SLC32A1: variants seen among roughly 807,000 people sequenced by gnomAD.
SLC32A1 encodes the protein solute carrier family 32 member 1.
A neutral mutation model predicts 35.5 loss-of-function variants in SLC32A1; 8 were observed. The ratio of observed to expected loss-of-function variants is 0.23; its 90% CI spans 0.13 to 0.41. The LOEUF (loss-of-function observed/expected upper bound fraction) is 0.41, where lower values mean the gene tolerates loss of function less well. Ranked by LOEUF, SLC32A1 falls within the 10% of genes least tolerant of loss-of-function variation. The probability of loss-of-function intolerance (pLI) is 1.00; values close to 1 mark genes in which losing one functional copy is unlikely to be tolerated. For missense variants in SLC32A1, 493 were observed against 722.3 expected (o/e 0.68, Z 3.64); for synonymous variants, 317 against 326.3 (o/e 0.97, Z 0.31).
At chr20:38,725,475 G>A (rs1289186915) in intron 1 of SLC32A1, among the ~76,000 whole-genome samples, 2 of 152,176 alleles carry the variant, frequency 1.3e-5, no homozygotes, top group African/African-American at 4.8e-5. Context: ...ACTCTGGAAC[G>A]GATTCACAGC....
chr20:38,727,427 G>A (rs756808579), intron 1 of SLC32A1, 25 bp from the exon 2 acceptor site: 10 of 1,596,398 alleles, frequency 6.3e-6, no homozygotes, highest in Non-Finnish European at 8.5e-6. Flanking sequence ...GAGCGTCCGC[G>A]TCTGGTTGCC....
rs1311107014 is a variant in SLC32A1, at chr20:38,727,571, G to A, written c.510G>A (p.Leu170=). 1.2e-6 allele frequency: 2 copies of A among 1,610,882 alleles called. No individual in the cohort carries two copies. The highest frequency in any genetic ancestry group is 2.2e-5 in the East Asian group (1 of 44,882). ...CCGGCAAGATCCTCATCGCGTGCCT[G>A]TACGAGGAGAATGAAGACGGCGAGG... ...CYTGKILIAC[L]YEENEDGEVV... The change falls in exon 2 of 2, where the codon CTG becomes CTA. Residue 170 remains leucine (L), a synonymous_variant. Transcript: ENST00000217420.
Position 38,728,934 on chromosome 20 carries a change from T to G in SLC32A1, c.*295T>G. 1.2e-5 allele frequency: 4 copies of G among 345,128 alleles called. No individual in the cohort carries two copies. Among genetic ancestry groups the G allele is most frequent in the East Asian group, 4.9e-5 (1 of 20,210 alleles). The allele number at this position is 345,128 out of a possible 1,614,324, so 21.4% of individuals were successfully genotyped here. A position where few individuals can be genotyped will look rare whatever the true frequency, so the allele number is the denominator to read the frequency against. ...CCTTCCAAGTGGGGCCCCGACACTT[T>G]GGTTCCAGTCATCGAGGGGGTTGGG... On this transcript the variant is annotated 3_prime_UTR_variant, in exon 2 of 2. Coordinates refer to ENST00000217420, the MANE Select transcript of SLC32A1 (RefSeq NM_080552.3).
At position 38,727,910 on chromosome 20, in the gene SLC32A1, C is replaced by G. The variant is rs1254337126; in HGVS notation, c.849C>G (p.Ala283=). The G allele has an allele frequency of 6.2e-7, 1 of 1,614,248 alleles. No individual in the cohort carries two copies. Among genetic ancestry groups the G allele is most frequent in the South Asian group, 1.1e-5 (1 of 91,088 alleles). ...AHFVINILVI[A]YCLSRARDWA... ...TCGTCATCAATATCCTGGTCATAGC[C>G]TACTGTCTATCGCGGGCGCGCGACT... The change falls in exon 2 of 2, where the codon GCC becomes GCG. Residue 283 remains alanine (A), a synonymous_variant. Transcript: ENST00000217420.
chr20:38,724,729 C>T lies in SLC32A1; in HGVS notation c.5C>T (p.Ala2Val). M[A>V]TLLRSKLSNV... ...TCCGCTGTCCCCACCGCCGCCATGGCCACCTTGCTCCGCAGCAAGCTGTCC... is the reference window on the plus strand; with the variant it reads ...TCCGCTGTCCCCACCGCCGCCATGGTCACCTTGCTCCGCAGCAAGCTGTCC... Residue 2 changes from alanine to valine, a missense_variant, in exon 1 of 2, where the codon GCC becomes GTC. This residue lies in a region of SLC32A1 where 133 missense variants were observed against 145.9 expected (regional missense o/e 0.91). Transcript: ENST00000217420. 2 of 1,603,336 alleles carry T rather than the reference C, an allele frequency of 1.2e-6. No homozygotes were observed. The highest frequency in any genetic ancestry group is 1.7e-6 in the Non-Finnish European group (2 of 1,174,824).
At position 38,728,294 on chromosome 20, in the gene SLC32A1, G is replaced by A. The variant is rs1384894750; in HGVS notation, c.1233G>A (p.Gln411=). 6.2e-7 allele frequency: 1 copy of A among 1,613,476 alleles called. No homozygotes were observed. Among genetic ancestry groups the A allele is most frequent in the Non-Finnish European group, 8.5e-7 (1 of 1,179,662 alleles). ...AVEVLEKSLF[Q]EGSRAFFPAC... is the part of the protein sequence containing the mutation. ...AGGTGCTGGAGAAGTCGCTCTTCCA[G>A]GAAGGCAGCCGCGCCTTTTTCCCGG... The change falls in exon 2 of 2, where the codon CAG becomes CAA. Residue 411 remains glutamine, a synonymous_variant. Transcript: ENST00000217420.
chr20:38,724,614 G>T lies in SLC32A1; in HGVS notation c.-111G>T. On this transcript the variant is annotated 5_prime_UTR_variant, in exon 1 of 2. Coordinates refer to ENST00000217420, the MANE Select transcript of SLC32A1 (RefSeq NM_080552.3). ...GAGCCAGAGAGCCCCGGGGCGCCGC[G>T]CGGAGAGCAAGCGGAGATAGCGACT... is the stretch of plus-strand genomic sequence containing the variant. 7.4e-7 allele frequency: 1 copy of T among 1,355,632 alleles called. No homozygotes were observed. 84.0% of individuals were successfully genotyped at this position (1,355,632 alleles called of 1,614,324 possible).
rs539752137 is a variant in SLC32A1, at chr20:38,727,402, G to T, written c.391-50G>T. The T allele has an allele frequency of 2.0e-4, 313 of 1,563,222 alleles. 3 individuals carry two copies. The South Asian group carries it at 3.2e-3, about 16-fold the overall frequency. On this transcript the variant is annotated intron_variant, in intron 1 of 1. Transcript: ENST00000217420. The stretch of plus-strand genomic sequence containing the variant: ...GCCACGCCCCCCGGGCCCCTCATCC[G>T]TTGCCAAGTTCGCTGAGCGTCCGCG...
chr20:38,724,506 C>T lies in SLC32A1; in HGVS notation c.-219C>T. The T allele has an allele frequency of 1.7e-6, 1 of 588,824 alleles. No homozygotes were observed. Among genetic ancestry groups the T allele is most frequent in the Non-Finnish European group, 2.8e-6 (1 of 355,946 alleles). 36.5% of individuals were successfully genotyped at this position (588,824 alleles called of 1,614,324 possible). On this transcript the variant is annotated 5_prime_UTR_variant, in exon 1 of 2. Transcript: ENST00000217420. Reference sequence around the variant, plus strand: ...TCCGCAGTGCACTAGCCACCACCGCCGCCGCCGCCGCTCCGCCAGACCTGC... The same window carrying T: ...TCCGCAGTGCACTAGCCACCACCGCTGCCGCCGCCGCTCCGCCAGACCTGC...
rs2084277540 is a variant in SLC32A1 at position 38,726,720 on chromosome 20, C to G, written c.391-732C>G. On this transcript the variant is annotated intron_variant, in intron 1 of 1. Coordinates refer to ENST00000217420, the MANE Select transcript of SLC32A1 (RefSeq NM_080552.3). This position sits in a 1 kb window ranked among gnomAD's most constrained non-coding sequence, Gnocchi z 4.7. ...CCTTAGGTCTCGCCCTCGCCTCACT[C>G]TAACTCCAGCCTTGTCCTAAGACTC... 6.6e-6 allele frequency among the ~76,000 whole-genome samples: 1 copy of G among 152,158 alleles called. No homozygotes were observed. The highest frequency in any genetic ancestry group is 2.4e-5 in the African/African-American group (1 of 41,414).
Position 38,726,968 on chromosome 20 carries a change from C to T in SLC32A1, c.391-484C>T, listed in dbSNP as rs2084278416. 6.6e-6 allele frequency among the ~76,000 whole-genome samples: 1 copy of T among 152,082 alleles called. No homozygotes were observed. Among genetic ancestry groups the T allele is most frequent in the Non-Finnish European group, 1.5e-5 (1 of 68,014 alleles). On this transcript the variant is annotated intron_variant, in intron 1 of 1. Transcript: ENST00000217420. The surrounding 1 kb of genome is among the most constrained non-coding windows in gnomAD (Gnocchi z 4.7). ...TTAGCTCCCGTGCCCCATTCCAGCC[C>T]CACCACAAATCCCGTGCCCACTCTT...
Position 38,724,827 on chromosome 20 carries a change from G to A in SLC32A1, c.103G>A (p.Ala35Thr). ...CATGTTCGCCAGGATGGGTTTTCAG[G>A]CGGCCACGGATGAGGAGGCGGTGGG... ...SGMFARMGFQ[A>T]ATDEEAVGFA... The change falls in exon 1 of 2, where the codon GCG (alanine) becomes ACG (threonine). Residue 35 changes from alanine to threonine, a missense_variant. Coordinates refer to ENST00000217420, the MANE Select transcript of SLC32A1 (RefSeq NM_080552.3). The A allele has an allele frequency of 6.2e-7, 1 of 1,613,974 alleles. No homozygotes were observed. Among genetic ancestry groups the A allele is most frequent in the Non-Finnish European group, 8.5e-7 (1 of 1,180,000 alleles).
chr20:38,728,260 C>G lies in SLC32A1; in HGVS notation c.1199C>G (p.Ala400Gly). 1 of 1,613,958 alleles carries G rather than the reference C, an allele frequency of 6.2e-7. No homozygotes were observed. Among genetic ancestry groups the G allele is most frequent in the Non-Finnish European group, 8.5e-7 (1 of 1,179,862 alleles). Reference protein sequence around the residue: ...ALLSYPLPFFAAVEVLEKSLF... With the variant: ...ALLSYPLPFFGAVEVLEKSLF... Reference sequence around the variant, plus strand: ...TTGTCCTATCCTCTGCCATTCTTTGCCGCTGTCGAGGTGCTGGAGAAGTCG... The same window carrying G: ...TTGTCCTATCCTCTGCCATTCTTTGGCGCTGTCGAGGTGCTGGAGAAGTCG... Residue 400 changes from alanine to glycine, a missense_variant, in exon 2 of 2, where the codon GCC becomes GGC. Around this residue, in one of 4 missense-constraint regions of SLC32A1, gnomAD observed 269 missense variants for 445.6 expected, o/e 0.60. Transcript: ENST00000217420.
chr20:38,728,830 C>A lies in SLC32A1; in HGVS notation c.*191C>A. The A allele has an allele frequency of 1.7e-6, 1 of 595,100 alleles. No homozygotes were observed. Among genetic ancestry groups the A allele is most frequent in the Non-Finnish European group, 2.9e-6 (1 of 346,336 alleles). The allele number at this position is 595,100 out of a possible 1,614,324, so 36.9% of individuals were successfully genotyped here. The stretch of plus-strand genomic sequence containing the variant: ...AGGGATTCACGATCCATCGCGTCTG[C>A]GTTTCTGTTGTCCTTTCTTTTCCAC... On this transcript the variant is annotated 3_prime_UTR_variant, in exon 2 of 2. Coordinates refer to ENST00000217420, the MANE Select transcript of SLC32A1 (RefSeq NM_080552.3).
Position 38,728,943 on chromosome 20 carries a change from T to G in SLC32A1, c.*304T>G. ...TGGGGCCCCGACACTTTGGTTCCAG[T>G]CATCGAGGGGGTTGGGAAGGGAGGG... On this transcript the variant is annotated 3_prime_UTR_variant, in exon 2 of 2. Coordinates refer to ENST00000217420, the MANE Select transcript of SLC32A1 (RefSeq NM_080552.3). 1 of 303,360 alleles carries G rather than the reference T, an allele frequency of 3.3e-6. No homozygotes were observed. Among genetic ancestry groups the G allele is most frequent in the African/African-American group, 2.2e-5 (1 of 45,990 alleles). The allele number at this position is 303,360 out of a possible 1,614,324, so 18.8% of individuals were successfully genotyped here. A position where few individuals can be genotyped will look rare whatever the true frequency, so the allele number is the denominator to read the frequency against.
chr20:38,728,965 A>T lies in SLC32A1; in HGVS notation c.*326A>T. 8 of 256,588 alleles carry T rather than the reference A, an allele frequency of 3.1e-5. No individual in the cohort carries two copies. The highest frequency in any genetic ancestry group is 3.0e-5 in the Non-Finnish European group (4 of 134,804). The allele number at this position is 256,588 out of a possible 1,614,324, so 15.9% of individuals were successfully genotyped here. ...CAGTCATCGAGGGGGTTGGGAAGGG[A>T]GGGAGAGGGGGCGCAGCTCGCAGGC... On this transcript the variant is annotated 3_prime_UTR_variant, in exon 2 of 2. Coordinates refer to ENST00000217420, the MANE Select transcript of SLC32A1 (RefSeq NM_080552.3).
rs553200227 is a variant in SLC32A1 at position 38,728,192 on chromosome 20, C to T, written c.1131C>T (p.Ser377=). Residue 377 remains serine, a synonymous_variant, in exon 2 of 2, where the codon TCC becomes TCT. Transcript: ENST00000217420. ...TCATCACGGATAACCTGCCCGGCTC[C>T]ATCCGCGCCGTGGTCAACATCTTTC... ...KEVITDNLPG[S]IRAVVNIFLV... is the part of the protein sequence containing the mutation. 56 of 1,614,218 alleles carry T rather than the reference C, an allele frequency of 3.5e-5. 1 individual carries two copies. The South Asian group carries it at 5.3e-4, about 15-fold the overall frequency.
chr20:38,728,318 G>C lies in SLC32A1; in HGVS notation c.1257G>C (p.Pro419=). 6.2e-7 allele frequency: 1 copy of C among 1,613,604 alleles called. No homozygotes were observed. Among genetic ancestry groups the C allele is most frequent in the Non-Finnish European group, 8.5e-7 (1 of 1,179,844 alleles). The part of the protein sequence containing the change: ...LFQEGSRAFF[P]ACYSGDGRLK... The stretch of plus-strand genomic sequence containing the variant: ...AGGAAGGCAGCCGCGCCTTTTTCCC[G>C]GCCTGCTACAGCGGCGACGGGCGCC... The change falls in exon 2 of 2, where the codon CCG becomes CCC. Residue 419 remains proline, a synonymous_variant. Coordinates refer to ENST00000217420, the MANE Select transcript of SLC32A1 (RefSeq NM_080552.3).
chr20:38,727,307 ACCTCT>A (rs2084279967), intron 1 of SLC32A1, 140 bp from the exon 2 acceptor site: 1 of 708,332 alleles, frequency 1.4e-6, no homozygotes, highest in African/African-American at 1.8e-5. Context: ...CCTGCTCTTA[ACCTCT>A]CCTCCCCGGC....
Sources: allele counts gnomAD v4.1 joint callset (sites outside exome capture counted in the v4.1 genomes callset), GRCh38; gene constraint gnomAD v4.1.1; regional missense constraint gnomAD v4.1.1; non-coding constraint Gnocchi (gnomAD v3.1); transcripts MANE v1.5; gene names NCBI Gene and HGNC (gene_info 2026-07-23, HGNC 2026-07-21).